DTX4: variants seen among roughly 807,000 people sequenced by gnomAD.
DTX4 encodes the protein deltex E3 ubiquitin ligase 4.
Under a neutral mutation model 57.6 loss-of-function variants are expected in DTX4, and 28 were observed. That is an observed-to-expected ratio of 0.49 (90% confidence interval 0.36 to 0.67). The LOEUF (loss-of-function observed/expected upper bound fraction) is 0.67. Ranked by LOEUF, DTX4 falls within the 30% of genes least tolerant of loss-of-function variation. The pLI, the probability that DTX4 is intolerant of heterozygous loss-of-function variation, is 0.00. For synonymous variants in DTX4, 316 were observed against 331.0 expected (o/e 0.95, Z 0.49); for missense variants, 715 against 836.8 (o/e 0.85, Z 1.80).
At position 59,208,054 on chromosome 11, in the gene DTX4, TG is replaced by T. The variant is rs1862837860; in HGVS notation, c.*3146del. On this transcript the variant is annotated 3_prime_UTR_variant, in exon 9 of 9. Transcript: ENST00000227451. ...AGGCAGGTGAATGTCCTAAGTGAAT[TG>T]TTCTGTTTGTAACTGGAATGTTTTT... 1.3e-5 allele frequency: 2 copies of T among 152,628 alleles called. No individual in the cohort carries two copies. The highest frequency in any genetic ancestry group is 4.1e-4 in the South Asian group (2 of 4,822). 9.5% of individuals were successfully genotyped at this position (152,628 alleles called of 1,614,324 possible). A position where few individuals can be genotyped will look rare whatever the true frequency, so the allele number is the denominator to read the frequency against.
chr11:59,203,160 T>C (rs150465187), intron 8 of DTX4, among the ~76,000 whole-genome samples: 4 of 152,248 alleles, frequency 2.6e-5, no homozygotes, highest in Admixed American at 2.0e-4. Flanking sequence ...AAAGACTTTA[T>C]AAACACTGTA....
chr11:59,179,085 G>C (rs1389096905), intron 1 of DTX4, among the ~76,000 whole-genome samples: 1 of 152,054 alleles, frequency 6.6e-6, no homozygotes, highest in Non-Finnish European at 1.5e-5. Flanking sequence ...AAATCTGTGA[G>C]GGGGTTAATT....
At chr11:59,191,810 C>T (rs141329792) in intron 5 of DTX4, among the ~76,000 whole-genome samples, 3 of 152,306 alleles carry the variant, frequency 2.0e-5, no homozygotes, top group African/African-American at 7.2e-5. Flanking sequence ...TATTTGTTTC[C>T]TCCATAAGCC....
chr11:59,173,662 ACTC>A (rs1862358119), intron 1 of DTX4, among the ~76,000 whole-genome samples: 1 of 151,456 alleles, frequency 6.6e-6, no homozygotes, highest in South Asian at 2.1e-4. Context: ...GGAGCGCCAA[ACTC>A]CTATCTTTTC....
At chr11:59,189,116 G>A in intron 3 of DTX4, 46 bp from the exon 4 acceptor site, 1 of 1,606,636 alleles carries the variant, frequency 6.2e-7, no homozygotes, top group Non-Finnish European at 8.5e-7. Flanking sequence ...GGAATGTTGA[G>A]AGCTAAGTCT....
rs770106528 is a variant in DTX4, at chr11:59,192,135, C to T, written c.1259C>T (p.Ser420Leu). ...TGTATGGAACGCCTCACGGCCCCCT[C>T]AGGCTACAAGGGCCCGCAGCCTACG... ...TICMERLTAP[S>L]GYKGPQPTVK... Residue 420 changes from serine to leucine, a missense_variant, in exon 6 of 9, where the codon TCA (serine) becomes TTA (leucine). Coordinates refer to ENST00000227451, the MANE Select transcript of DTX4 (RefSeq NM_015177.2). 14 of 1,613,766 alleles carry T rather than the reference C, an allele frequency of 8.7e-6. No homozygotes were observed. The highest frequency in any genetic ancestry group is 1.1e-5 in the Non-Finnish European group (13 of 1,179,906).
chr11:59,181,619 C>T lies in DTX4; in HGVS notation c.212-120C>T, dbSNP rs1862462531. The T allele has an allele frequency of 3.6e-6, 5 of 1,382,436 alleles. No individual in the cohort carries two copies. In the South Asian group the frequency reaches 4.2e-5, roughly 11 times the overall value. The allele number at this position is 1,382,436 out of a possible 1,614,324, so 85.6% of individuals were successfully genotyped here. On this transcript the variant is annotated intron_variant, in intron 1 of 8. Transcript: ENST00000227451. ...CTGGCACTTCAGGCAGTGTCATGCC[C>T]AGTACACAGTAGGACTTGTTTCATG...
intron 1 of DTX4, among the ~76,000 whole-genome samples, chr11:59,174,832 T>G (rs1394798189): frequency 6.6e-6 from 1 of 152,170 alleles, no homozygotes; most frequent in Non-Finnish European, 1.5e-5. Flanking sequence ...GCAGAGAACT[T>G]GCCCTGAATC....
At position 59,206,045 on chromosome 11, in the gene DTX4, G is replaced by C. The variant is rs1862803443; in HGVS notation, c.*1136G>C. 1 of 152,246 alleles carries C rather than the reference G, an allele frequency of 6.6e-6. No homozygotes were observed. The highest frequency in any genetic ancestry group is 1.9e-4 in the East Asian group (1 of 5,198). The allele number at this position is 152,246 out of a possible 1,614,324, so 9.4% of individuals were successfully genotyped here. ...AAGACAGAACTGTGCCTGGGGAGAT[G>C]CAATGAGGTGAGGGCTGAACTCATC... is the stretch of plus-strand genomic sequence containing the variant. On this transcript the variant is annotated 3_prime_UTR_variant, in exon 9 of 9. Transcript: ENST00000227451.
chr11:59,201,402 G>A (rs144187853), intron 8 of DTX4, among the ~76,000 whole-genome samples: 2 of 152,298 alleles, frequency 1.3e-5, no homozygotes, highest in African/African-American at 4.8e-5. Context: ...GCCCTCCTGT[G>A]GCCCATGCCC....
chr11:59,203,959 A>G (rs1340105641), intron 8 of DTX4, among the ~76,000 whole-genome samples: 1 of 152,192 alleles, frequency 6.6e-6, no homozygotes, highest in Admixed American at 6.5e-5. Flanking sequence ...TCAGTTTTCA[A>G]CCCAAGACAT....
chr11:59,199,635 C>T (rs1862716273), intron 7 of DTX4, 49 bp from the exon 8 acceptor site: 1 of 1,405,304 alleles, frequency 7.1e-7, no homozygotes, highest in African/African-American at 1.4e-5. Context: ...CCGCTCTTAT[C>T]AGAAATATTT....
intron 1 of DTX4, among the ~76,000 whole-genome samples, chr11:59,178,031 T>A (rs1211304606): frequency 6.6e-6 from 1 of 152,230 alleles, no homozygotes; most frequent in African/African-American, 2.4e-5. Flanking sequence ...AGATGAATGC[T>A]ATTAAAATTT....
chr11:59,182,192 C>A lies in DTX4; in HGVS notation c.665C>A (p.Pro222Gln). ...LQLPVTRKNM[P>Q]PPGVVKLPPL... ...CTGCCAGTGACCCGCAAGAACATGC[C>A]GCCTCCTGGAGTGGTCAAGCTACCC... is the stretch of plus-strand genomic sequence containing the variant. Residue 222 changes from proline to glutamine, a missense_variant, in exon 2 of 9, where the codon CCG becomes CAG. Transcript: ENST00000227451. 1 of 1,612,054 alleles carries A rather than the reference C, an allele frequency of 6.2e-7. No homozygotes were observed. Among genetic ancestry groups the A allele is most frequent in the Non-Finnish European group, 8.5e-7 (1 of 1,179,172 alleles).
chr11:59,190,478 C>T (rs925810115), intron 4 of DTX4, among the ~76,000 whole-genome samples: 1 of 152,100 alleles, frequency 6.6e-6, no homozygotes, highest in East Asian at 1.9e-4. Flanking sequence ...TTATATCATC[C>T]CATCCTCTAC....
At chr11:59,177,475 G>T (rs144316234) in intron 1 of DTX4, among the ~76,000 whole-genome samples, 1 of 152,306 alleles carries the variant, frequency 6.6e-6, no homozygotes, top group Non-Finnish European at 1.5e-5. Context: ...CTAATGGACA[G>T]AGTGGCTCTG....
At position 59,181,988 on chromosome 11, in the gene DTX4, G is replaced by A. The variant is rs372277661; in HGVS notation, c.461G>A (p.Arg154His). 1.2e-5 allele frequency: 19 copies of A among 1,613,776 alleles called. No homozygotes were observed. The highest frequency in any genetic ancestry group is 3.3e-5 in the Admixed American group (2 of 59,994). The change falls in exon 2 of 9, where the codon CGC becomes CAC. Residue 154 changes from arginine to histidine, a missense_variant. Transcript: ENST00000227451. ...NRQTQRQRRV[R>H]RRLDLIYPMV... ...CAGACCCAGCGCCAACGCCGCGTCC[G>A]CCGGCGCCTCGACCTCATCTACCCC...
At chr11:59,200,547 T>G (rs1862728965) in intron 8 of DTX4, among the ~76,000 whole-genome samples, 1 of 152,228 alleles carries the variant, frequency 6.6e-6, no homozygotes, top group Non-Finnish European at 1.5e-5. Context: ...ACATTGAAGC[T>G]GGAGAAACAC....
At chr11:59,183,550 G>A (rs1366671058) in intron 2 of DTX4, among the ~76,000 whole-genome samples, 2 of 152,146 alleles carry the variant, frequency 1.3e-5, no homozygotes, top group Non-Finnish European at 2.9e-5. Context: ...GAGAGGCCTG[G>A]CTCTGCCTGT....
Sources: allele counts gnomAD v4.1 joint callset (sites outside exome capture counted in the v4.1 genomes callset), GRCh38; gene constraint gnomAD v4.1.1; transcripts MANE v1.5; gene names NCBI Gene and HGNC (gene_info 2026-07-23, HGNC 2026-07-21).